The following MUC5B variants were observed in gnomAD, a reference collection of about 807,000 sequenced individuals.
MUC5B encodes mucin-5B.
Under a neutral mutation model 376.9 loss-of-function variants are expected in MUC5B, and 116 were observed. That is an observed-to-expected ratio of 0.31 (90% CI 0.26 to 0.36). The LOEUF (loss-of-function observed/expected upper bound fraction) is 0.36. Among genes scored for constraint, MUC5B ranks in the 10% least tolerant of loss-of-function variants. MUC5B has a pLI of 1.00. For synonymous variants in MUC5B, 3,517 were observed against 3,390.9 expected (o/e 1.04, Z -1.29); for missense variants, 7,165 against 7,769.9 (o/e 0.92, Z 2.93).
rs879616562 is a variant in MUC5B, at chr11:1,227,320, C to A, written c.589C>A (p.Pro197Thr). ...TCCCCACTCTCAGCTGGAGCTGGAT[C>A]CCAAATACGCCAACCAGACCTGTGG... ...GEDSALLELD[P>T]KYANQTCGLC... Residue 197 changes from proline (P) to threonine (T), a missense_variant, in exon 6 of 49, where the codon CCC becomes ACC. Physicochemically the swap from Pro to Thr is conservative, Grantham distance 38. Coordinates refer to ENST00000529681, the MANE Select transcript of MUC5B (RefSeq NM_002458.3). 1 of 1,612,666 alleles carries A rather than the reference C, an allele frequency of 6.2e-7. No individual in the cohort carries two copies. The highest frequency in any genetic ancestry group is 8.5e-7 in the Non-Finnish European group (1 of 1,179,722).
chr11:1,232,290 G>A, intron 15 of MUC5B, 130 bp downstream of exon 15: 2 of 1,353,040 alleles, frequency 1.5e-6, no homozygotes, highest in East Asian at 2.5e-5. Context: ...GGCATCAGGA[G>A]GAGGTGCTTG....
chr11:1,233,753 G>A (rs1224738343), intron 18 of MUC5B, 40 bp from the exon 19 acceptor site: 1 of 1,571,854 alleles, frequency 6.4e-7, no homozygotes, highest in South Asian at 1.2e-5. Flanking sequence ...TCTGCGGGGT[G>A]AGGGCCGCAG....
chr11:1,234,326 A>G lies in MUC5B; in HGVS notation c.2478+21A>G. 7 of 635,244 alleles carry G rather than the reference A, an allele frequency of 1.1e-5. No homozygotes were observed. Among genetic ancestry groups the G allele is most frequent in the Non-Finnish European group, 1.9e-5 (7 of 360,680 alleles). 39.4% of individuals were successfully genotyped at this position (635,244 alleles called of 1,614,324 possible). A position where few individuals can be genotyped will look rare whatever the true frequency, so the allele number is the denominator to read the frequency against. ...GCTGTGTGAGTTCCATGCTTCAGGGAGGGGTGGGCAGGGAAGGGGTCCCAG... is the reference window on the plus strand; with the variant it reads ...GCTGTGTGAGTTCCATGCTTCAGGGGGGGGTGGGCAGGGAAGGGGTCCCAG... On this transcript the variant is annotated intron_variant, in intron 20 of 48. Coordinates refer to ENST00000529681, the MANE Select transcript of MUC5B (RefSeq NM_002458.3). This position sits in a 1 kb window ranked among gnomAD's most constrained non-coding sequence, Gnocchi z 6.3.
At chr11:1,256,613 A>T (rs1352970692) in intron 38 of MUC5B, 58 bp from the exon 39 acceptor site, 1 of 1,374,952 alleles carries the variant, frequency 7.3e-7, no homozygotes, top group South Asian at 1.3e-5. Flanking sequence ...ACTCACGTGG[A>T]TGACAGTGGA....
chr11:1,243,362 T>C lies in MUC5B; in HGVS notation c.6482T>C (p.Val2161Ala), dbSNP rs1307805251. The change falls in exon 31 of 49, where the codon GTG (valine) becomes GCG (alanine). Residue 2161 changes from valine to alanine, a missense_variant. By Grantham distance (64) the Val-to-Ala change is moderately conservative (BLOSUM62 0). This residue lies in a region of MUC5B where 897 missense variants were observed against 779.6 expected (regional missense o/e 1.15). Transcript: ENST00000529681. ...STPGTTPIPP[V>A]LTTTATTPAA... ...CCTGGGACAACTCCCATCCCCCCAGTGCTGACCACCACCGCCACCACACCT... is the reference window on the plus strand; with the variant it reads ...CCTGGGACAACTCCCATCCCCCCAGCGCTGACCACCACCGCCACCACACCT... 3.2e-6 allele frequency: 5 copies of C among 1,544,948 alleles called. No individual in the cohort carries two copies. The highest frequency in any genetic ancestry group is 4.4e-6 in the Non-Finnish European group (5 of 1,141,602).
At chr11:1,232,366 C>G in intron 15 of MUC5B, 84 bp from the exon 16 acceptor site, 1 of 1,463,644 alleles carries the variant, frequency 6.8e-7, no homozygotes. Context: ...CACTGTTCCC[C>G]GGGCTGAGGG....
rs766409450 is a variant in MUC5B, at chr11:1,260,355, G to A, written c.16928G>A (p.Ser5643Asn). 3 of 1,612,386 alleles carry A rather than the reference G, an allele frequency of 1.9e-6. No homozygotes were observed. The highest frequency in any genetic ancestry group is 2.2e-5 in the East Asian group (1 of 44,884). ...SCPDVSSCRG[S>N]LRKTGCCYSC... ...CCTGTCTTTGGCCCCCACCAGGGGA[G>A]CCTCAGGAAAACCGGCTGCTGCTAC... Residue 5643 changes from serine to asparagine, a missense_variant, in exon 47 of 49, where the codon AGC (serine) becomes AAC (asparagine). Around this residue, in one of 31 missense-constraint regions of MUC5B, gnomAD observed 842 missense variants for 1,016.9 expected, o/e 0.83. Coordinates refer to ENST00000529681, the MANE Select transcript of MUC5B (RefSeq NM_002458.3).
chr11:1,255,489 G>T lies in MUC5B; in HGVS notation c.15997G>T (p.Ala5333Ser). The T allele has an allele frequency of 3.2e-6, 5 of 1,576,710 alleles. No homozygotes were observed. Among genetic ancestry groups the T allele is most frequent in the Non-Finnish European group, 4.3e-6 (5 of 1,162,192 alleles). Reference sequence around the variant, plus strand: ...TGAGGTGCCCTGCCAGAGCCTGGAGGCTTACGCAGAGCTCTGCCGCGCCCG... The same window carrying T: ...TGAGGTGCCCTGCCAGAGCCTGGAGTCTTACGCAGAGCTCTGCCGCGCCCG... ...RLEVPCQSLE[A>S]YAELCRARGV... Residue 5333 changes from alanine (A) to serine (S), a missense_variant, in exon 37 of 49, where the codon GCT (alanine) becomes TCT (serine). Ala to Ser is a moderately conservative substitution (Grantham distance 99). Transcript: ENST00000529681.
rs370908099 is a variant in MUC5B at position 1,250,044 on chromosome 11, G to T, written c.13164G>T (p.Thr4388=). ...CCACCCCCTCCTCCACTCCGGGGAC[G>T]ACCTGGATCCTCACAGAGCTGACCA... ...STSTPSSTPG[T]TWILTELTTA... Residue 4388 remains threonine (T), a synonymous_variant, in exon 31 of 49, where the codon ACG becomes ACT. Transcript: ENST00000529681. 1.9e-6 allele frequency: 3 copies of T among 1,608,666 alleles called. No homozygotes were observed. Among genetic ancestry groups the T allele is most frequent in the East Asian group, 2.2e-5 (1 of 44,534 alleles).
rs202161651 is a variant in MUC5B, at chr11:1,244,628, C to T, written c.7748C>T (p.Thr2583Met). The T allele has an allele frequency of 4.1e-3, 6,614 of 1,613,738 alleles. 4 individuals carry two copies. Among genetic ancestry groups the T allele is most frequent in the South Asian group, 8.3e-3 (760 of 91,058 alleles). The change falls in exon 31 of 49, where the codon ACG becomes ATG. Residue 2583 changes from threonine to methionine, a missense_variant. Transcript: ENST00000529681. ...CACACCTCCACAGTGCTTACCACCA[C>T]GGCCACCACAACCGGGGCCACCGGC... The part of the protein sequence containing the change: ...TVHTSTVLTT[T>M]ATTTGATGSV...
Position 1,249,489 on chromosome 11 carries a change from C to A in MUC5B, c.12609C>A (p.Asn4203Lys). The change falls in exon 31 of 49, where the codon AAC becomes AAA. Residue 4203 changes from asparagine to lysine, a missense_variant. Asn to Lys is a moderately conservative substitution (Grantham distance 94). Around this residue, in one of 31 missense-constraint regions of MUC5B, gnomAD observed 38 missense variants for 72.5 expected, o/e 0.52. Transcript: ENST00000529681. Reference protein sequence around the residue: ...CSLDFGLVCRNREQVGKFKMC... With the variant: ...CSLDFGLVCRKREQVGKFKMC... ...TGGACTTTGGCCTGGTCTGCAGGAACCGTGAGCAGGTGGGGAAGTTCAAGA... is the reference window on the plus strand; with the variant it reads ...TGGACTTTGGCCTGGTCTGCAGGAAACGTGAGCAGGTGGGGAAGTTCAAGA... 6.2e-7 allele frequency: 1 copy of A among 1,611,530 alleles called. No homozygotes were observed. Among genetic ancestry groups the A allele is most frequent in the Non-Finnish European group, 8.5e-7 (1 of 1,179,654 alleles).
intron 26 of MUC5B, 90 bp downstream of exon 26, chr11:1,239,117 G>A (rs1467835163): frequency 1.4e-6 from 2 of 1,454,972 alleles, no homozygotes; most frequent in Non-Finnish European, 9.3e-7. Context: ...ATTGACCTGG[G>A]CCTGAGCCGC....
chr11:1,250,663 A>T lies in MUC5B; in HGVS notation c.13783A>T (p.Thr4595Ser). 6.2e-7 allele frequency: 1 copy of T among 1,612,356 alleles called. No homozygotes were observed. Residue 4595 changes from threonine (T) to serine (S), a missense_variant, in exon 31 of 49, where the codon ACT becomes TCT. Physicochemically the swap from Thr to Ser is moderately conservative, Grantham distance 58. Around this residue, in one of 31 missense-constraint regions of MUC5B, gnomAD observed 730 missense variants for 592.7 expected, o/e 1.23. Coordinates refer to ENST00000529681, the MANE Select transcript of MUC5B (RefSeq NM_002458.3). ...AACAGCTCACACTACCAAAGTGCCG[A>T]CTACCACAACCACGGGCTTCACAGC... ...PGTAHTTKVP[T>S]TTTTGFTATP...
At position 1,258,371 on chromosome 11, in the gene MUC5B, A is replaced by C; in HGVS notation, c.16593+4A>C. 1.2e-6 allele frequency: 2 copies of C among 1,611,844 alleles called. No homozygotes were observed. Among genetic ancestry groups the C allele is most frequent in the Non-Finnish European group, 1.7e-6 (2 of 1,179,448 alleles). ...GTACAATGGCACCTTCTACGGGGTAAGGGCACAGCAGTGGGTGGGTGTGGC... is the reference window on the plus strand; with the variant it reads ...GTACAATGGCACCTTCTACGGGGTACGGGCACAGCAGTGGGTGGGTGTGGC... On this transcript the variant is annotated splice_donor_region_variant and intron_variant, in intron 43 of 48. Coordinates refer to ENST00000529681, the MANE Select transcript of MUC5B (RefSeq NM_002458.3). This position sits in a 1 kb window ranked among gnomAD's most constrained non-coding sequence, Gnocchi z 5.5.
Position 1,226,794 on chromosome 11 carries a change from C to A in MUC5B, c.379C>A (p.Pro127Thr). 6.2e-7 allele frequency: 1 copy of A among 1,612,078 alleles called. No homozygotes were observed. Among genetic ancestry groups the A allele is most frequent in the Non-Finnish European group, 8.5e-7 (1 of 1,179,792 alleles). The stretch of plus-strand genomic sequence containing the variant: ...ACGCCGAGGCCTAGTGGGCTCCAGG[C>A]CTGTGGTCACCCGTGTTGTCATCAA... ...QLRRGLVGSR[P>T]VVTRVVIKAQ... is the part of the protein sequence containing the mutation. The change falls in exon 4 of 49, where the codon CCT (proline) becomes ACT (threonine). Residue 127 changes from proline to threonine, a missense_variant. Physicochemically the swap from Pro to Thr is conservative, Grantham distance 38 (BLOSUM62 -1). Around this residue, in one of 31 missense-constraint regions of MUC5B, gnomAD observed 640 missense variants for 733.0 expected, o/e 0.87. Transcript: ENST00000529681.
Position 1,242,656 on chromosome 11 carries a change from C to G in MUC5B, c.5776C>G (p.Pro1926Ala), listed in dbSNP as rs756036841. Residue 1926 changes from proline to alanine, a missense_variant, in exon 31 of 49, where the codon CCG becomes GCG. Pro to Ala is a conservative substitution (Grantham distance 27, BLOSUM62 -1). Coordinates refer to ENST00000529681, the MANE Select transcript of MUC5B (RefSeq NM_002458.3). ...TTASTGSTAT[P>A]TSTLRTAPPP... ...TGCGTCCACTGGATCCACGGCCACCCCGACCTCCACCCTGAGAACAGCTCC... is the reference window on the plus strand; with the variant it reads ...TGCGTCCACTGGATCCACGGCCACCGCGACCTCCACCCTGAGAACAGCTCC... 5 of 1,613,360 alleles carry G rather than the reference C, an allele frequency of 3.1e-6. No individual in the cohort carries two copies. The African/African-American group carries it at 6.7e-5, about 22-fold the overall frequency.
rs569002310 is a variant in MUC5B at position 1,258,848 on chromosome 11, A to G, written c.16594-94A>G. 2 of 1,497,506 alleles carry G rather than the reference A, an allele frequency of 1.3e-6. No homozygotes were observed. Among genetic ancestry groups the G allele is most frequent in the South Asian group, 2.5e-5 (2 of 78,884 alleles). 92.8% of individuals were successfully genotyped at this position (1,497,506 alleles called of 1,614,324 possible). A position where few individuals can be genotyped will look rare whatever the true frequency, so the allele number is the denominator to read the frequency against. ...GCATCTATGCTCCATCTGAGGAAGGAACAACTCCCTGCAGGCCCCATTGGG... is the reference window on the plus strand; with the variant it reads ...GCATCTATGCTCCATCTGAGGAAGGGACAACTCCCTGCAGGCCCCATTGGG... On this transcript the variant is annotated intron_variant, in intron 43 of 48. Transcript: ENST00000529681. This position sits in a 1 kb window ranked among gnomAD's most constrained non-coding sequence, Gnocchi z 5.5.
intron 35 of MUC5B, 42 bp downstream of exon 35, chr11:1,254,922 G>A (rs1276146953): frequency 1.3e-6 from 2 of 1,587,528 alleles, no homozygotes; most frequent in African/African-American, 1.3e-5. Context: ...GGCTGCTGCT[G>A]GGCCTGACAA....
At chr11:1,254,555 C>T in intron 34 of MUC5B, 139 bp from the exon 35 acceptor site, 1 of 1,213,588 alleles carries the variant, frequency 8.2e-7, no homozygotes. Context: ...CTCCAGGCCC[C>T]CAGGGAAGAT....
Sources: allele counts gnomAD v4.1 joint callset, GRCh38; gene constraint gnomAD v4.1.1; regional missense constraint gnomAD v4.1.1; non-coding constraint Gnocchi (gnomAD v3.1); transcripts MANE v1.5; gene names NCBI Gene and HGNC (gene_info 2026-07-23, HGNC 2026-07-21).